Variants in POU6F2 observed in about 807,000 individuals in gnomAD.
POU6F2 encodes the protein POU class 6 homeobox 2.
A neutral mutation model predicts 71.3 loss-of-function variants in POU6F2; 31 were observed. That is an observed-to-expected ratio of 0.43 (90% CI 0.33 to 0.59). The LOEUF is 0.59. Among genes scored for constraint, POU6F2 ranks in the 20% least tolerant of loss-of-function variants. The pLI, the probability that POU6F2 is intolerant of heterozygous loss-of-function variation, is 0.04. For missense variants in POU6F2, 783 were observed against 856.8 expected, an observed-to-expected ratio of 0.91 and a Z score of 1.07; for synonymous variants, 347 against 355.7, an observed-to-expected ratio of 0.98 and a Z score of 0.27.
intron 4 of POU6F2, among the ~76,000 whole-genome samples, chr7:39,259,807 T>C (rs531652048): frequency 6.6e-6 from 1 of 152,210 alleles, no homozygotes; most frequent in Admixed American, 6.5e-5. Context: ...CCACAGCCCA[T>C]GAGCCTGCCC....
At chr7:39,087,738 C>T (rs1299632827) in intron 2 of POU6F2, among the ~76,000 whole-genome samples, 1 of 152,070 alleles carries the variant, frequency 6.6e-6, no homozygotes, top group Non-Finnish European at 1.5e-5. Flanking sequence ...ACTTTGCATG[C>T]ATTTAAAATA....
chr7:39,341,947 GGCTGTTT>G (rs1475756575), intron 5 of POU6F2, among the ~76,000 whole-genome samples: 1 of 152,180 alleles, frequency 6.6e-6, no homozygotes, highest in Admixed American at 6.5e-5. Flanking sequence ...GAAATCCCAG[GGCTGTTT>G]GTTTTGTTTT....
At chr7:39,290,886 C>T (rs1051580463) in intron 4 of POU6F2, among the ~76,000 whole-genome samples, 2 of 152,018 alleles carry the variant, frequency 1.3e-5, no homozygotes, top group African/African-American at 4.8e-5. Context: ...GTGAAAATTG[C>T]AAGTACTTGT....
chr7:39,039,377 C>G (rs1228691132), intron 1 of POU6F2, among the ~76,000 whole-genome samples: 1 of 151,856 alleles, frequency 6.6e-6, no homozygotes, highest in Non-Finnish European at 1.5e-5. Context: ...TGCAATCTGA[C>G]TTTTTTTGTC....
intron 1 of POU6F2, among the ~76,000 whole-genome samples, chr7:39,077,198 T>C (rs10258862): frequency 0.33 from 50,493 of 152,064 alleles, 8,618 homozygotes; most frequent in South Asian, 0.45. Flanking sequence ...TGCTTTTTCA[T>C]AAAGGCAGCA....
intron 2 of POU6F2, among the ~76,000 whole-genome samples, chr7:39,131,291 G>A (rs781263750): frequency 1.3e-5 from 2 of 152,184 alleles, no homozygotes; most frequent in Admixed American, 6.5e-5. Flanking sequence ...AACTGCTGGA[G>A]TGAAAAATTC....
chr7:39,012,762 A>T (rs1002583459), intron 1 of POU6F2, among the ~76,000 whole-genome samples: 3 of 150,470 alleles, frequency 2.0e-5, no homozygotes, highest in Admixed American at 6.6e-5. Context: ...CCTCAGCTGC[A>T]GGTCTGTTGG....
chr7:39,413,819 T>C (rs1787609223), intron 6 of POU6F2, among the ~76,000 whole-genome samples: 1 of 152,254 alleles, frequency 6.6e-6, no homozygotes, highest in South Asian at 2.1e-4. Flanking sequence ...TCAATCTTTC[T>C]ACTAACATAT....
chr7:39,333,609 G>A (rs745658980), intron 4 of POU6F2, among the ~76,000 whole-genome samples: 27 of 152,002 alleles, frequency 1.8e-4, no homozygotes, highest in African/African-American at 2.9e-4. Flanking sequence ...ACAGTGGCAC[G>A]CGCCTATAGT....
intron 4 of POU6F2, among the ~76,000 whole-genome samples, chr7:39,311,634 G>C (rs1325307957): frequency 2.6e-5 from 4 of 152,182 alleles, no homozygotes. Flanking sequence ...ATTAGACCAG[G>C]CAGAAATAAT....
chr7:39,253,726 A>G (rs1425737013), intron 4 of POU6F2, among the ~76,000 whole-genome samples: 1 of 152,154 alleles, frequency 6.6e-6, no homozygotes, highest in African/African-American at 2.4e-5. Flanking sequence ...AGGCACAGTG[A>G]TGCCTAGAGC....
chr7:38,985,282 G>T (rs1355480015), intron 1 of POU6F2, among the ~76,000 whole-genome samples: 2 of 152,058 alleles, frequency 1.3e-5, no homozygotes, highest in South Asian at 2.1e-4. Flanking sequence ...TCTCCAAAAG[G>T]TTGAGAGTTA....
At chr7:39,185,864 TG>T (rs1793528789) in intron 2 of POU6F2, among the ~76,000 whole-genome samples, 1 of 148,592 alleles carries the variant, frequency 6.7e-6, no homozygotes, top group African/African-American at 2.5e-5. Context: ...TGTGTATATA[TG>T]TATATATGTA....
At chr7:39,026,178 G>A (rs1306998736) in intron 1 of POU6F2, among the ~76,000 whole-genome samples, 2 of 151,556 alleles carry the variant, frequency 1.3e-5, no homozygotes, top group Non-Finnish European at 2.9e-5. Flanking sequence ...CAACCATTGT[G>A]GAAGTCAGTG....
At chr7:39,123,252 C>A (rs188573030) in intron 2 of POU6F2, among the ~76,000 whole-genome samples, 1 of 152,314 alleles carries the variant, frequency 6.6e-6, no homozygotes, top group East Asian at 1.9e-4. Context: ...GTAGTGTGCA[C>A]TTGCTCTGCC....
Position 39,464,942 on chromosome 7 carries a change from G to A in POU6F2, c.*256G>A. The stretch of plus-strand genomic sequence containing the variant: ...GGAATACACCACACTGAAGGTGTGT[G>A]TGGTAGGATAGTTCCCTTCCCCCAC... On this transcript the variant is annotated 3_prime_UTR_variant, in exon 10 of 10. Transcript: ENST00000518318. The surrounding 1 kb of genome is among the most constrained non-coding windows in gnomAD (Gnocchi z 4.1). 1 of 466,800 alleles carries A rather than the reference G, an allele frequency of 2.1e-6. No individual in the cohort carries two copies. Among genetic ancestry groups the A allele is most frequent in the South Asian group, 3.9e-5 (1 of 25,904 alleles). 28.9% of individuals were successfully genotyped at this position (466,800 alleles called of 1,614,324 possible). A position where few individuals can be genotyped will look rare whatever the true frequency, so the allele number is the denominator to read the frequency against.
intron 5 of POU6F2, among the ~76,000 whole-genome samples, chr7:39,389,500 A>C (rs1478612788): frequency 6.6e-6 from 1 of 152,178 alleles, no homozygotes; most frequent in Non-Finnish European, 1.5e-5. Flanking sequence ...CCTTGATTGC[A>C]GTTGTGAAGG....
chr7:39,332,650 G>A (rs1485027871), intron 4 of POU6F2, among the ~76,000 whole-genome samples: 1 of 152,178 alleles, frequency 6.6e-6, no homozygotes, highest in Admixed American at 6.5e-5. Flanking sequence ...TTTTGCTATT[G>A]AGAGGTATGA....
At chr7:39,388,389 C>T (rs1786992251) in intron 5 of POU6F2, among the ~76,000 whole-genome samples, 1 of 152,166 alleles carries the variant, frequency 6.6e-6, no homozygotes, top group African/African-American at 2.4e-5. Context: ...AATCTCAGCT[C>T]ACTGCAACCT....
Sources: gnomAD v4.1 joint callset for allele counts (sites outside exome capture counted in the v4.1 genomes callset) on GRCh38, gnomAD v4.1.1 for gene constraint, Gnocchi (gnomAD v3.1) non-coding constraint, MANE v1.5 for transcripts, NCBI Gene and HGNC (gene_info 2026-07-23, HGNC 2026-07-21) for gene names.